Variants in HEY2 observed in about 807,000 individuals in gnomAD.
HEY2 encodes hes related family bHLH transcription factor with YRPW motif 2, also known as hairy/enhancer-of-split related with YRPW motif protein 2.
In HEY2, 10 loss-of-function variants were observed where a neutral mutation model predicts 18.1. That is an observed-to-expected ratio of 0.55 (90% CI 0.34 to 0.94). The LOEUF (loss-of-function observed/expected upper bound fraction) is 0.94, where lower values mean the gene tolerates loss of function less well. HEY2 is among the 40% of genes least tolerant of loss of function. The pLI is 0.02. For missense variants in HEY2, 455 were observed against 455.9 expected (o/e 1.00, Z 0.02); for synonymous variants, 210 against 182.7 (o/e 1.15, Z -1.21).
Position 125,760,493 on chromosome 6 carries a change from C to G in HEY2, c.*691C>G, listed in dbSNP as rs1180900424. The G allele has an allele frequency of 6.6e-6, 1 of 152,148 alleles. No homozygotes were observed. The highest frequency in any genetic ancestry group is 1.5e-5 in the Non-Finnish European group (1 of 68,042). 9.4% of individuals were successfully genotyped at this position (152,148 alleles called of 1,614,324 possible). A position where few individuals can be genotyped will look rare whatever the true frequency, so the allele number is the denominator to read the frequency against. On this transcript the variant is annotated 3_prime_UTR_variant, in exon 5 of 5. Coordinates refer to ENST00000368364, the MANE Select transcript of HEY2 (RefSeq NM_012259.3). ...AGTGCATTGGTATAAGCAATTATTT[C>G]ATCAGTTCTCAGATTAACAAGCATT...
chr6:125,754,684 C>A, intron 4 of HEY2, 138 bp downstream of exon 4: 1 of 447,794 alleles, frequency 2.2e-6, no homozygotes, highest in South Asian at 6.3e-5. Context: ...AGATTAAAGC[C>A]ATGGAAATCA....
chr6:125,754,595 T>C (rs370633812), intron 4 of HEY2, 49 bp downstream of exon 4: 26 of 1,008,068 alleles, frequency 2.6e-5, no homozygotes, highest in Non-Finnish European at 3.3e-5. Flanking sequence ...TTTACCTTTC[T>C]CTTTTCATGT....
At position 125,751,895 on chromosome 6, in the gene HEY2, C is replaced by T. The variant is rs751747164; in HGVS notation, c.162+16C>T. Reference sequence around the variant, plus strand: ...AAGGAGAGGGGTATGTGATTTTTCCCCCTTTTTATTTCATGTAACTTATAC... The same window carrying T: ...AAGGAGAGGGGTATGTGATTTTTCCTCCTTTTTATTTCATGTAACTTATAC... On this transcript the variant is annotated intron_variant, in intron 2 of 4. Coordinates refer to ENST00000368364, the MANE Select transcript of HEY2 (RefSeq NM_012259.3). 67 of 1,604,730 alleles carry T rather than the reference C, an allele frequency of 4.2e-5. No homozygotes were observed. The South Asian group carries it at 7.2e-4, about 17-fold the overall frequency.
chr6:125,752,116 C>T (rs1439175740), intron 3 of HEY2, 26 bp downstream of exon 3: 2 of 1,371,008 alleles, frequency 1.5e-6, no homozygotes, highest in Admixed American at 1.9e-5. Context: ...CCCAGAATCC[C>T]CCCACCCACC....
Position 125,759,462 on chromosome 6 carries a change from C to G in HEY2, c.674C>G (p.Ala225Gly). ...GAAGTGCCTCCTGCCCACGGCTCTG[C>G]TCTCCTCACGGCCACGTTTGCCCAT... ...TSEVPPAHGS[A>G]LLTATFAHAD... is the part of the protein sequence containing the mutation. Residue 225 changes from alanine to glycine, a missense_variant, in exon 5 of 5, where the codon GCT (alanine) becomes GGT (glycine). Coordinates refer to ENST00000368364, the MANE Select transcript of HEY2 (RefSeq NM_012259.3). 1 of 1,611,654 alleles carries G rather than the reference C, an allele frequency of 6.2e-7. No individual in the cohort carries two copies. The highest frequency in any genetic ancestry group is 8.5e-7 in the Non-Finnish European group (1 of 1,179,980).
Position 125,751,825 on chromosome 6 carries a change from A to G in HEY2, c.108A>G (p.Arg36=), listed in dbSNP as rs1454110991. ...GGCAAAGTACTAGCTCTGTGATTAG[A>G]TTGAATTCTCCAACAACAACATCTC... The part of the protein sequence containing the change: ...YSGQSTSSVI[R]LNSPTTTSQI... The change falls in exon 2 of 5, where the codon AGA becomes AGG. Residue 36 remains arginine, a synonymous_variant. Coordinates refer to ENST00000368364, the MANE Select transcript of HEY2 (RefSeq NM_012259.3). The G allele has an allele frequency of 6.2e-7, 1 of 1,613,208 alleles. No homozygotes were observed. The highest frequency in any genetic ancestry group is 1.1e-5 in the South Asian group (1 of 91,066).
chr6:125,758,004 G>A (rs1773698174), intron 4 of HEY2, among the ~76,000 whole-genome samples: 1 of 152,152 alleles, frequency 6.6e-6, no homozygotes, highest in South Asian at 2.1e-4. Context: ...TCTTATTCAT[G>A]TATATACACA....
At chr6:125,755,626 C>G (rs941148487) in intron 4 of HEY2, among the ~76,000 whole-genome samples, 1 of 152,142 alleles carries the variant, frequency 6.6e-6, no homozygotes, top group African/African-American at 2.4e-5. Flanking sequence ...AACATCAGCC[C>G]TGATCTTAAC....
intron 3 of HEY2, among the ~76,000 whole-genome samples, chr6:125,754,261 G>A (rs1773608239): frequency 2.0e-5 from 3 of 152,064 alleles, no homozygotes; most frequent in Non-Finnish European, 2.9e-5. Flanking sequence ...AAGTTAAAAT[G>A]GCAAATACTT....
At chr6:125,751,724 T>A in intron 1 of HEY2, 77 bp from the exon 2 acceptor site, 1 of 912,094 alleles carries the variant, frequency 1.1e-6, no homozygotes, top group Non-Finnish European at 1.8e-6. Context: ...TCTGAATATT[T>A]AATGGGTGCC....
chr6:125,759,072 G>T (rs1773724291), intron 4 of HEY2, 45 bp from the exon 5 acceptor site: 1 of 1,455,556 alleles, frequency 6.9e-7, no homozygotes, highest in South Asian at 1.3e-5. Flanking sequence ...CCTACCTCCC[G>T]CCCATCTCTC....
chr6:125,752,032 G>A lies in HEY2; in HGVS notation c.188G>A (p.Arg63Gln), dbSNP rs1198083602. 4 of 1,613,592 alleles carry A rather than the reference G, an allele frequency of 2.5e-6. No homozygotes were observed. The highest frequency in any genetic ancestry group is 2.2e-5 in the East Asian group (1 of 44,884). The change falls in exon 3 of 5, where the codon CGG becomes CAG. Residue 63 changes from arginine (R) to glutamine (Q), a missense_variant. Physicochemically the swap from Arg to Gln is conservative, Grantham distance 43. Transcript: ENST00000368364. Reference sequence around the variant, plus strand: ...ATTATAGAGAAAAGGCGTCGGGATCGGATAAATAACAGTTTATCTGAGTTG... The same window carrying A: ...ATTATAGAGAAAAGGCGTCGGGATCAGATAAATAACAGTTTATCTGAGTTG... Reference protein sequence around the residue: ...RGIIEKRRRDRINNSLSELRR... With the variant: ...RGIIEKRRRDQINNSLSELRR...
chr6:125,750,153 G>A, intron 1 of HEY2: 2 of 717,942 alleles, frequency 2.8e-6, no homozygotes, highest in Non-Finnish European at 3.4e-6. Flanking sequence ...ACGCGCGAAC[G>A]GCAGCGTCTG....
chr6:125,753,811 T>C (rs1773597877), intron 3 of HEY2, among the ~76,000 whole-genome samples: 1 of 152,190 alleles, frequency 6.6e-6, no homozygotes, highest in African/African-American at 2.4e-5. Flanking sequence ...AAATTATTGC[T>C]TCTTGTTTGT....
chr6:125,754,609 T>C (rs1420142160), intron 4 of HEY2, 63 bp downstream of exon 4: 12 of 864,846 alleles, frequency 1.4e-5, no homozygotes, highest in African/African-American at 1.4e-4. Flanking sequence ...TTCATGTTAT[T>C]CCCCCTAATA....
At chr6:125,756,961 A>G (rs923087203) in intron 4 of HEY2, among the ~76,000 whole-genome samples, 3 of 152,238 alleles carry the variant, frequency 2.0e-5, no homozygotes, top group African/African-American at 4.8e-5. Context: ...ACAATAGGAT[A>G]GGAATTGCAT....
rs367742925 is a variant in HEY2, at chr6:125,749,773, C to T, written c.-4C>T. Reference sequence around the variant, plus strand: ...GGGCTGTGCCCCGCGCGGTCTTCGCCGGGATGAAGCGCCCCTGCGAGGAGA... The same window carrying T: ...GGGCTGTGCCCCGCGCGGTCTTCGCTGGGATGAAGCGCCCCTGCGAGGAGA... On this transcript the variant is annotated 5_prime_UTR_variant, in exon 1 of 5. Coordinates refer to ENST00000368364, the MANE Select transcript of HEY2 (RefSeq NM_012259.3). 5.4e-5 allele frequency: 85 copies of T among 1,567,746 alleles called. No individual in the cohort carries two copies. Among genetic ancestry groups the T allele is most frequent in the Non-Finnish European group, 7.1e-5 (82 of 1,157,368 alleles).
Position 125,759,334 on chromosome 6 carries a change from G to T in HEY2, c.546G>T (p.Pro182=). 2 of 1,603,762 alleles carry T rather than the reference G, an allele frequency of 1.2e-6. No individual in the cohort carries two copies. The highest frequency in any genetic ancestry group is 1.1e-5 in the South Asian group (1 of 90,564). The change falls in exon 5 of 5, where the codon CCG becomes CCT. Residue 182 remains proline (P), a synonymous_variant. Coordinates refer to ENST00000368364, the MANE Select transcript of HEY2 (RefSeq NM_012259.3). ...CCCACCACCATCATCCGCTCCACCC[G>T]CATCACTGGGCCGCCGCCTTCCACC... The part of the protein sequence containing the change: ...SMAHHHHPLH[P]HHWAAAFHHL...
At chr6:125,755,522 C>T (rs576119532) in intron 4 of HEY2, among the ~76,000 whole-genome samples, 33 of 152,248 alleles carry the variant, frequency 2.2e-4, no homozygotes, top group Non-Finnish European at 1.9e-4. Flanking sequence ...ACACTGTATA[C>T]GGGTCCTAGA....
Sources: allele counts gnomAD v4.1 joint callset (sites outside exome capture counted in the v4.1 genomes callset), GRCh38; gene constraint gnomAD v4.1.1; transcripts MANE v1.5; gene names NCBI Gene and HGNC (gene_info 2026-07-23, HGNC 2026-07-21).